Variants in PRKCZ observed in about 807,000 individuals in gnomAD.
PRKCZ encodes the protein protein kinase C zeta type.
Under a neutral mutation model 79.5 loss-of-function variants are expected in PRKCZ, and 33 were observed. The observed-to-expected ratio is 0.41, with a 90% CI of 0.31 to 0.55. PRKCZ has a LOEUF of 0.55. Ranked by LOEUF, PRKCZ falls within the 20% of genes least tolerant of loss-of-function variation. The pLI, the probability that PRKCZ is intolerant of heterozygous loss-of-function variation, is 0.19. For missense variants in PRKCZ, 578 were observed against 813.5 expected (o/e 0.71, Z 3.52); for synonymous variants, 342 against 320.9 (o/e 1.07, Z -0.70).
Position 2,055,534 on chromosome 1 carries a change from G to T in PRKCZ, c.165G>T (p.Pro55=), listed in dbSNP as rs765767569. Residue 55 remains proline, a synonymous_variant, in exon 2 of 18, where the codon CCG becomes CCT. Coordinates refer to ENST00000378567, the MANE Select transcript of PRKCZ (RefSeq NM_002744.6). ...RDMCRLHQQH[P]LTLKWVDSEG... ...TGTGTCGTCTGCACCAGCAGCACCC[G>T]CTCACCCTCAAGTGGGTGGACAGCG... 1.2e-6 allele frequency: 2 copies of T among 1,614,028 alleles called. No individual in the cohort carries two copies. The highest frequency in any genetic ancestry group is 8.5e-7 in the Non-Finnish European group (1 of 1,179,968).
At chr1:2,072,485 C>G (rs943904377) in intron 4 of PRKCZ, among the ~76,000 whole-genome samples, 1 of 152,128 alleles carries the variant, frequency 6.6e-6, no homozygotes, top group African/African-American at 2.4e-5. Flanking sequence ...TGGGTGGGGC[C>G]TTTACTGTGG....
At chr1:2,170,868 C>T (rs1159329791) in intron 11 of PRKCZ, among the ~76,000 whole-genome samples, 1 of 152,240 alleles carries the variant, frequency 6.6e-6, no homozygotes, top group African/African-American at 2.4e-5. Flanking sequence ...GATGGAGGGG[C>T]CACACTTTGC....
rs1203406926 is a variant in PRKCZ at position 2,174,501 on chromosome 1, G to A, written c.1406-253G>A. ...CCTGCAGAGGCACCCGTGTACCTGC[G>A]ATCTTGGGGCTGAGGAAGGGGAGCT... On this transcript the variant is annotated intron_variant, in intron 14 of 17. Transcript: ENST00000378567. The surrounding 1 kb of genome is among the most constrained non-coding windows in gnomAD (Gnocchi z 6.2). 6.6e-6 allele frequency among the ~76,000 whole-genome samples: 1 copy of A among 152,226 alleles called. No homozygotes were observed. Among genetic ancestry groups the A allele is most frequent in the African/African-American group, 2.4e-5 (1 of 41,446 alleles).
intron 3 of PRKCZ, among the ~76,000 whole-genome samples, chr1:2,059,174 C>T (rs1344249178): frequency 6.6e-6 from 1 of 152,196 alleles, no homozygotes; most frequent in Non-Finnish European, 1.5e-5. Flanking sequence ...ATTTTGAACT[C>T]TGTCTTGAGT....
At chr1:2,175,086 G>T in intron 15 of PRKCZ, 138 bp from the exon 16 acceptor site, 1 of 778,372 alleles carries the variant, frequency 1.3e-6, no homozygotes, top group Non-Finnish European at 2.1e-6. Context: ...TTTCAATAAA[G>T]GAAACATCTG....
At position 2,131,879 on chromosome 1, in the gene PRKCZ, G is replaced by T. The variant is rs372190524; in HGVS notation, c.335-3383G>T. 4.9e-4 allele frequency among the ~76,000 whole-genome samples: 75 copies of T among 152,274 alleles called. No homozygotes were observed. In the South Asian group the frequency reaches 5.6e-3, roughly 11 times the overall value. On this transcript the variant is annotated intron_variant, in intron 4 of 17. Coordinates refer to ENST00000378567, the MANE Select transcript of PRKCZ (RefSeq NM_002744.6). Reference sequence around the variant, plus strand: ...CAGGCTGGAGTGCAGTGGCGCGATCGCGGCTCACTGCAAGCTCCACCTCCC... The same window carrying T: ...CAGGCTGGAGTGCAGTGGCGCGATCTCGGCTCACTGCAAGCTCCACCTCCC...
In PRKCZ at chr1:2,181,959, G is replaced by C. The variant is rs1686697433; in HGVS notation, c.1576-2624G>C. On this transcript the variant is annotated intron_variant, in intron 16 of 17. Transcript: ENST00000378567. ...GGAACAGCCCCGGCCCCTCCCTCCG[G>C]CTCCTCCCCAGCACCGTCTCCTCCA... 1.6e-5 allele frequency: 7 copies of C among 428,430 alleles called. No homozygotes were observed. In the Middle Eastern group the frequency reaches 1.7e-3, roughly 103 times the overall value. The allele number at this position is 428,430 out of a possible 1,614,324, so 26.5% of individuals were successfully genotyped here.
chr1:2,051,801 C>T (rs1659688801), intron 1 of PRKCZ, among the ~76,000 whole-genome samples: 1 of 152,164 alleles, frequency 6.6e-6, no homozygotes, highest in Admixed American at 6.5e-5. Flanking sequence ...TCGGGTCAGC[C>T]ATCTGGGGCT....
At chr1:2,074,151 A>G in intron 4 of PRKCZ, 2 of 1,545,034 alleles carry the variant, frequency 1.3e-6, no homozygotes, top group South Asian at 2.4e-5. Flanking sequence ...CAGCAATGTC[A>G]GGGGAAACGC....
At chr1:2,068,163 C>T (rs557206237) in intron 4 of PRKCZ, among the ~76,000 whole-genome samples, 1 of 152,376 alleles carries the variant, frequency 6.6e-6, no homozygotes, top group South Asian at 2.1e-4. Context: ...CGGGGCAGAC[C>T]CCAGCTGCAA....
Position 2,092,023 on chromosome 1 carries a change from T to C in PRKCZ, c.334+32432T>C, listed in dbSNP as rs533240719. On this transcript the variant is annotated intron_variant, in intron 4 of 17. Transcript: ENST00000378567. ...TGCTTGGTACTTGCAAGAATGGCCG[T>C]GTCCCCAGGAGCCGGTGGACGAATC... Among the ~76,000 whole-genome samples the C allele has an allele frequency of 9.9e-5, 15 of 152,064 alleles. No homozygotes were observed. The South Asian group carries it at 1.0e-3, about 11-fold the overall frequency.
chr1:2,053,580 G>A (rs1225137115), intron 1 of PRKCZ, among the ~76,000 whole-genome samples: 1 of 152,204 alleles, frequency 6.6e-6, no homozygotes, highest in Non-Finnish European at 1.5e-5. Flanking sequence ...GGATAGGGTT[G>A]GAGGTGGTGG....
chr1:2,151,742 A>T (rs1026601826), intron 9 of PRKCZ, among the ~76,000 whole-genome samples: 7 of 152,176 alleles, frequency 4.6e-5, no homozygotes, highest in African/African-American at 1.7e-4. Context: ...CTATAGCCTC[A>T]AAGTCCCCAG....
chr1:2,139,988 C>T (rs970440980), intron 5 of PRKCZ, among the ~76,000 whole-genome samples: 5 of 152,256 alleles, frequency 3.3e-5, no homozygotes, highest in Admixed American at 6.5e-5. Flanking sequence ...GTGGATGGCC[C>T]AAGACTTTGG....
chr1:2,058,590 G>C (rs899739795), intron 3 of PRKCZ, among the ~76,000 whole-genome samples: 4 of 152,070 alleles, frequency 2.6e-5, no homozygotes, highest in Non-Finnish European at 5.9e-5. Flanking sequence ...AATTCACATT[G>C]TTTTCTAGAT....
At chr1:2,060,822 G>A (rs1012875470) in intron 4 of PRKCZ, among the ~76,000 whole-genome samples, 9 of 152,164 alleles carry the variant, frequency 5.9e-5, no homozygotes, top group Non-Finnish European at 8.8e-5. Flanking sequence ...GGCAGGGGGC[G>A]GGGAGGCTTT....
chr1:2,170,106 C>T (rs1291531806), intron 11 of PRKCZ, among the ~76,000 whole-genome samples: 4 of 152,158 alleles, frequency 2.6e-5, no homozygotes, highest in Non-Finnish European at 5.9e-5. Flanking sequence ...TTCTGCTCTT[C>T]ACCCTGTTAG....
In PRKCZ at chr1:2,184,173, C is replaced by T. The variant is rs192591163; in HGVS notation, c.1576-410C>T. ...GAGGCTCCTGACAGACGGGTCTGTGCAGTGCCAGCGCAGGCAGGGTGCTGT... is the reference window on the plus strand; with the variant it reads ...GAGGCTCCTGACAGACGGGTCTGTGTAGTGCCAGCGCAGGCAGGGTGCTGT... On this transcript the variant is annotated intron_variant, in intron 16 of 17. Transcript: ENST00000378567. 1.6e-4 allele frequency: 29 copies of T among 182,862 alleles called. No homozygotes were observed. The East Asian group carries it at 4.1e-3, about 26-fold the overall frequency. The allele number at this position is 182,862 out of a possible 1,614,324, so 11.3% of individuals were successfully genotyped here.
chr1:2,116,485 T>A (rs1670789781), intron 4 of PRKCZ, among the ~76,000 whole-genome samples: 1 of 152,164 alleles, frequency 6.6e-6, no homozygotes, highest in Non-Finnish European at 1.5e-5. Flanking sequence ...GTGCTTTGAT[T>A]TTTTGTGTTG....
Sources: allele counts gnomAD v4.1 joint callset (sites outside exome capture counted in the v4.1 genomes callset), GRCh38; gene constraint gnomAD v4.1.1; non-coding constraint Gnocchi (gnomAD v3.1); transcripts MANE v1.5; gene names NCBI Gene and HGNC (gene_info 2026-07-23, HGNC 2026-07-21).